CADM4: variants seen among roughly 807,000 people sequenced by gnomAD.
CADM4 encodes TSLC1-like 2.
Under a neutral mutation model 43.9 loss-of-function variants are expected in CADM4, and 13 were observed. That is an observed-to-expected ratio of 0.30 (90% CI 0.19 to 0.47). The LOEUF is 0.47. CADM4 is among the 20% of genes least tolerant of loss of function. CADM4 has a pLI of 1.00. For missense variants in CADM4, 420 were observed against 527.0 expected (o/e 0.80, Z 1.99); for synonymous variants, 209 against 220.9 (o/e 0.95, Z 0.48).
intron 7 of CADM4, among the ~76,000 whole-genome samples, chr19:43,624,640 T>C (rs1973493137): frequency 6.6e-6 from 1 of 152,084 alleles, no homozygotes; most frequent in Non-Finnish European, 1.5e-5. Flanking sequence ...CTTCCTCCAC[T>C]AAGAAACAGA....
intron 1 of CADM4, among the ~76,000 whole-genome samples, chr19:43,632,822 G>T (rs527976167): frequency 6.6e-6 from 1 of 151,914 alleles, no homozygotes; most frequent in Admixed American, 6.6e-5. Context: ...GGTGGCTCAC[G>T]CCTGTAATAC....
At chr19:43,631,163 A>G (rs144872969) in intron 1 of CADM4, among the ~76,000 whole-genome samples, 1,832 of 152,188 alleles carry the variant, frequency 0.012, 31 homozygotes, top group African/African-American at 0.036. Context: ...CAACATGGTG[A>G]AACCCCGTCT....
chr19:43,633,904 C>G (rs1568543695), intron 1 of CADM4, among the ~76,000 whole-genome samples: 1 of 151,288 alleles, frequency 6.6e-6, no homozygotes, highest in Non-Finnish European at 1.5e-5. Context: ...ATATCTTGCC[C>G]AGGTTGGTCT....
chr19:43,633,672 TTC>T (rs1394463168), intron 1 of CADM4, among the ~76,000 whole-genome samples: 2 of 150,356 alleles, frequency 1.3e-5, no homozygotes, highest in Non-Finnish European at 3.0e-5. Flanking sequence ...CTCTCTTTCT[TTC>T]TCTTTCTTTC....
intron 1 of CADM4, among the ~76,000 whole-genome samples, chr19:43,638,977 G>A (rs1973736279): frequency 6.6e-6 from 1 of 152,172 alleles, no homozygotes. Context: ...AGAAAGACAG[G>A]GATGGAGATA....
intron 1 of CADM4, among the ~76,000 whole-genome samples, chr19:43,636,912 C>T (rs1973712700): frequency 6.6e-6 from 1 of 152,018 alleles, no homozygotes; most frequent in Non-Finnish European, 1.5e-5. Flanking sequence ...AGTGAGTCAC[C>T]CTGGGAAGGA....
rs866484966 is a variant in CADM4 at position 43,625,688 on chromosome 19, T to G, written c.755+223A>C. Among the ~76,000 whole-genome samples the G allele has an allele frequency of 2.4e-4, 37 of 152,072 alleles. No homozygotes were observed. Among genetic ancestry groups the G allele is most frequent in the African/African-American group, 8.2e-4 (34 of 41,410 alleles). On this transcript the variant is annotated intron_variant, in intron 6 of 8. Coordinates refer to ENST00000222374, the MANE Select transcript of CADM4 (RefSeq NM_145296.2). The surrounding 1 kb of genome is among the most constrained non-coding windows in gnomAD (Gnocchi z 4.5). ...GTATTGGGGAGTCTGAGCCTCCAGATTCCTCCTCCCTCAGGATCCAGGAGT... is the reference window on the plus strand; with the variant it reads ...GTATTGGGGAGTCTGAGCCTCCAGAGTCCTCCTCCCTCAGGATCCAGGAGT...
Position 43,627,310 on chromosome 19 carries a change from C to T in CADM4, c.220G>A (p.Asp74Asn). The change falls in exon 3 of 9, where the codon GAT becomes AAT. Residue 74 changes from aspartate to asparagine, a missense_variant. Physicochemically the swap from Asp to Asn is conservative, Grantham distance 23. Transcript: ENST00000222374. The surrounding 1 kb of genome is among the most constrained non-coding windows in gnomAD (Gnocchi z 4.0). ...LFFNGTRALK[D>N]ERFQLEEFSP... ...AACTCCTCAAGCTGGAAACGCTCAT[C>T]CTTCAAGGCTAGAGAGAGTGAGGGG... is the stretch of plus-strand genomic sequence containing the variant. 1 of 1,594,128 alleles carries T rather than the reference C, an allele frequency of 6.3e-7. No homozygotes were observed. Among genetic ancestry groups the T allele is most frequent in the Non-Finnish European group, 8.6e-7 (1 of 1,168,720 alleles).
chr19:43,626,440 C>T lies in CADM4; in HGVS notation c.500-152G>A. The T allele has an allele frequency of 2.2e-6, 2 of 908,860 alleles. No individual in the cohort carries two copies. The highest frequency in any genetic ancestry group is 3.4e-5 in the South Asian group (2 of 58,908). The allele number at this position is 908,860 out of a possible 1,614,324, so 56.3% of individuals were successfully genotyped here. A position where few individuals can be genotyped will look rare whatever the true frequency, so the allele number is the denominator to read the frequency against. On this transcript the variant is annotated intron_variant, in intron 4 of 8. Transcript: ENST00000222374. The surrounding 1 kb of genome is among the most constrained non-coding windows in gnomAD (Gnocchi z 5.9). ...CTCCAAGCTACGCCCCTCCCCTAAC[C>T]AAGCCCACGTGCCTCCTCCCAAAGC...
chr19:43,624,205 G>A lies in CADM4; in HGVS notation c.966C>T (p.Pro322=). The A allele has an allele frequency of 6.2e-7, 1 of 1,614,206 alleles. No individual in the cohort carries two copies. Among genetic ancestry groups the A allele is most frequent in the Non-Finnish European group, 8.5e-7 (1 of 1,180,038 alleles). The change falls in exon 8 of 9, where the codon CCC becomes CCT. Residue 322 remains proline (P), a synonymous_variant. Coordinates refer to ENST00000222374, the MANE Select transcript of CADM4 (RefSeq NM_145296.2). ...CCAGGATGCCGCCCACAATGGCATAGGGAACCGACGTCTGAGCCTCTACCA... is the reference window on the plus strand; with the variant it reads ...CCAGGATGCCGCCCACAATGGCATAAGGAACCGACGTCTGAGCCTCTACCA... ...GAVVEAQTSV[P]YAIVGGILAL... is the part of the protein sequence containing the mutation.
chr19:43,624,564 C>G (rs1973492069), intron 7 of CADM4, among the ~76,000 whole-genome samples: 1 of 152,234 alleles, frequency 6.6e-6, no homozygotes, highest in African/African-American at 2.4e-5. Flanking sequence ...CTAGGCCTCC[C>G]AAAGTACTGG....
chr19:43,630,281 CTTTTTTTTTTTT>C (rs59489315), intron 1 of CADM4, among the ~76,000 whole-genome samples: 4 of 73,442 alleles, frequency 5.4e-5, no homozygotes, highest in Non-Finnish European at 9.7e-5. Context: ...TTTTTCTTTT[CTTTTTTTTTTTT>C]TTTTTTTTTT....
upstream of CADM4, among the ~76,000 whole-genome samples, chr19:43,640,659 G>A (rs1283417473): frequency 6.6e-6 from 1 of 151,908 alleles, no homozygotes; most frequent in East Asian, 1.9e-4. Context: ...AAGCCCTGGC[G>A]TCCCCTCTCC....
chr19:43,638,820 A>G (rs962993587), intron 1 of CADM4, among the ~76,000 whole-genome samples: 2 of 152,236 alleles, frequency 1.3e-5, no homozygotes, highest in Non-Finnish European at 2.9e-5. Context: ...ACATGCACAC[A>G]GATGTTCCCC....
In CADM4 at chr19:43,623,271, G is replaced by A. The variant is rs935374346; in HGVS notation, c.*59C>T. The A allele has an allele frequency of 8.1e-7, 1 of 1,227,358 alleles. No individual in the cohort carries two copies. Among genetic ancestry groups the A allele is most frequent in the Non-Finnish European group, 1.2e-6 (1 of 832,632 alleles). 76.0% of individuals were successfully genotyped at this position (1,227,358 alleles called of 1,614,324 possible). A position where few individuals can be genotyped will look rare whatever the true frequency, so the allele number is the denominator to read the frequency against. ...TAAATGTCTTTGCTGGTTCCTTGCA[G>A]CTGGCAGTGGGGGGGACCCCAGCCC... On this transcript the variant is annotated 3_prime_UTR_variant, in exon 9 of 9. Coordinates refer to ENST00000222374, the MANE Select transcript of CADM4 (RefSeq NM_145296.2). This position sits in a 1 kb window ranked among gnomAD's most constrained non-coding sequence, Gnocchi z 4.4.
Position 43,625,046 on chromosome 19 carries a change from C to T in CADM4, c.928+32G>A. The T allele has an allele frequency of 6.8e-7, 1 of 1,460,230 alleles. No homozygotes were observed. The allele number at this position is 1,460,230 out of a possible 1,614,324, so 90.5% of individuals were successfully genotyped here. A position where few individuals can be genotyped will look rare whatever the true frequency, so the allele number is the denominator to read the frequency against. On this transcript the variant is annotated intron_variant, in intron 7 of 8. Coordinates refer to ENST00000222374, the MANE Select transcript of CADM4 (RefSeq NM_145296.2). The surrounding 1 kb of genome is among the most constrained non-coding windows in gnomAD (Gnocchi z 4.5). ...CGCCCCCGCCACCTGGCGCCCCGCC[C>T]CCGCCCTCAGTCGGCCGCAGCCTGC...
chr19:43,638,659 G>T (rs535792077), intron 1 of CADM4, among the ~76,000 whole-genome samples: 2 of 152,256 alleles, frequency 1.3e-5, no homozygotes, highest in Non-Finnish European at 2.9e-5. Flanking sequence ...TGTGATGAGG[G>T]TATGTGGATG....
Position 43,626,149 on chromosome 19 carries a change from C to T in CADM4, c.639G>A (p.Gln213=). 1.2e-6 allele frequency: 2 copies of T among 1,613,978 alleles called. No individual in the cohort carries two copies. Among genetic ancestry groups the T allele is most frequent in the Non-Finnish European group, 1.7e-6 (2 of 1,179,938 alleles). ...NQALPSGHSK[Q]TQYVLDVQYS... is the part of the protein sequence containing the mutation. ...ACTGCACATCCAGCACGTACTGCGT[C>T]TGCTTGCTGTGTCCGGAGGGCAGCG... Residue 213 remains glutamine (Q), a synonymous_variant, in exon 5 of 9, where the codon CAG becomes CAA. Coordinates refer to ENST00000222374, the MANE Select transcript of CADM4 (RefSeq NM_145296.2). This position sits in a 1 kb window ranked among gnomAD's most constrained non-coding sequence, Gnocchi z 5.9.
rs986897791 is a variant in CADM4, at chr19:43,627,540, C to T, written c.211+104G>A. On this transcript the variant is annotated intron_variant, in intron 2 of 8. Transcript: ENST00000222374. This position sits in a 1 kb window ranked among gnomAD's most constrained non-coding sequence, Gnocchi z 4.0. ...GACCCCAGCCCTTTCTTCTCCGAGA[C>T]CCAGGAGACCAAACTCTCAGGTGTG... The T allele has an allele frequency of 2.2e-6, 3 of 1,382,508 alleles. No homozygotes were observed. Among genetic ancestry groups the T allele is most frequent in the African/African-American group, 2.9e-5 (2 of 69,022 alleles). The allele number at this position is 1,382,508 out of a possible 1,614,324, so 85.6% of individuals were successfully genotyped here. A position where few individuals can be genotyped will look rare whatever the true frequency, so the allele number is the denominator to read the frequency against.
Sources: gnomAD v4.1 joint callset for allele counts (sites outside exome capture counted in the v4.1 genomes callset) on GRCh38, gnomAD v4.1.1 for gene constraint, Gnocchi (gnomAD v3.1) non-coding constraint, MANE v1.5 for transcripts, NCBI Gene and HGNC (gene_info 2026-07-23, HGNC 2026-07-21) for gene names.